The following TP63 variants were observed in gnomAD, a reference collection of about 807,000 sequenced individuals.
TP63 encodes the protein tumor protein p63.
In TP63, 17 loss-of-function variants were observed where a neutral mutation model predicts 82.8. The observed-to-expected ratio is 0.21, with a 90% CI of 0.14 to 0.31. The LOEUF (loss-of-function observed/expected upper bound fraction) is 0.31, where lower values mean the gene tolerates loss of function less well. Ranked by LOEUF, TP63 falls within the 10% of genes least tolerant of loss-of-function variation. The probability of loss-of-function intolerance (pLI) is 1.00; values close to 1 mark genes in which losing one functional copy is unlikely to be tolerated. For missense variants in TP63, 648 were observed against 895.3 expected (o/e 0.72, Z 3.52); for synonymous variants, 330 against 321.7 (o/e 1.03, Z -0.28).
At chr3:189,657,969 G>C (rs1336624644) in intron 1 of TP63, among the ~76,000 whole-genome samples, 1 of 152,062 alleles carries the variant, frequency 6.6e-6, no homozygotes, top group Non-Finnish European at 1.5e-5. Context: ...TCTAATACTA[G>C]CTTCTTATAT....
intron 1 of TP63, among the ~76,000 whole-genome samples, chr3:189,734,081 C>G (rs1720373233): frequency 6.7e-6 from 1 of 148,936 alleles, no homozygotes; most frequent in Non-Finnish European, 1.5e-5. Context: ...TTCTTTCTTT[C>G]TCTCTTTCTT....
Position 189,711,902 on chromosome 3 carries a change from A to G in TP63, c.63-25838A>G, listed in dbSNP as rs138137409. On this transcript the variant is annotated intron_variant, in intron 1 of 13. Transcript: ENST00000264731. The stretch of plus-strand genomic sequence containing the variant: ...GGCTGATGGAACTTCCGTGATAGGA[A>G]GCTGTCATGTTGGTTTGGTGGATGG... Among the ~76,000 whole-genome samples the G allele has an allele frequency of 4.0e-4, 61 of 152,276 alleles. No individual in the cohort carries two copies. In the East Asian group the frequency reaches 0.011, roughly 27 times the overall value.
At chr3:189,772,406 T>A (rs1380323262) in intron 3 of TP63, among the ~76,000 whole-genome samples, 1 of 152,244 alleles carries the variant, frequency 6.6e-6, no homozygotes, top group Non-Finnish European at 1.5e-5. Flanking sequence ...TATACTATGA[T>A]GCTTCCTTTA....
At chr3:189,881,889 T>G (rs1719949557) in intron 10 of TP63, among the ~76,000 whole-genome samples, 1 of 152,130 alleles carries the variant, frequency 6.6e-6, no homozygotes, top group East Asian at 1.9e-4. Flanking sequence ...ATAACATGGC[T>G]TCTGTGGCAT....
At chr3:189,880,495 G>A (rs1157003800) in intron 10 of TP63, 4 of 1,017,672 alleles carry the variant, frequency 3.9e-6, no homozygotes, top group East Asian at 8.6e-5. Context: ...GGGGAAAGGG[G>A]CATTAAGATG....
intron 1 of TP63, among the ~76,000 whole-genome samples, chr3:189,698,127 A>G (rs566065043): frequency 6.6e-6 from 1 of 152,234 alleles, no homozygotes; most frequent in South Asian, 2.1e-4. Context: ...CATTTTAAGA[A>G]GCATCCAGTT....
At chr3:189,708,366 T>C (rs1435974718) in intron 1 of TP63, among the ~76,000 whole-genome samples, 2 of 152,204 alleles carry the variant, frequency 1.3e-5, no homozygotes, top group East Asian at 3.9e-4. Flanking sequence ...TTTTCTCGTT[T>C]GTTTGTTAGC....
rs904813004 is a variant in TP63, at chr3:189,676,425, G to T, written c.62+44848G>T. On this transcript the variant is annotated intron_variant, in intron 1 of 13. Coordinates refer to ENST00000264731, the MANE Select transcript of TP63 (RefSeq NM_003722.5). ...GATCATGCAGTATTTGTCTGTCTGT[G>T]CCTGGTTTACTTCACTTAGCTTTAT... 5.7e-4 allele frequency among the ~76,000 whole-genome samples: 86 copies of T among 152,142 alleles called. 2 individuals are homozygous for T. Among genetic ancestry groups the T allele is most frequent in the Admixed American group, 5.6e-3 (85 of 15,246 alleles).
intron 1 of TP63, among the ~76,000 whole-genome samples, chr3:189,667,268 G>A (rs936979601): frequency 6.7e-6 from 1 of 148,296 alleles, no homozygotes. Flanking sequence ...TCTGCCTCCT[G>A]GATTCAAGAG....
At chr3:189,885,044 C>CAT (rs1720295868) in intron 10 of TP63, among the ~76,000 whole-genome samples, 1 of 152,136 alleles carries the variant, frequency 6.6e-6, no homozygotes, top group Admixed American at 6.5e-5. Context: ...TTGAATTATA[C>CAT]ATATATATGC....
intron 6 of TP63, among the ~76,000 whole-genome samples, 167 bp from the exon 7 acceptor site, chr3:189,867,666 G>T (rs531299759): frequency 2.0e-5 from 3 of 152,276 alleles, no homozygotes; most frequent in African/African-American, 7.2e-5. Context: ...AAGCTTCCCC[G>T]CAGGCAAGAT....
At chr3:189,691,976 G>A (rs933732955) in intron 1 of TP63, among the ~76,000 whole-genome samples, 1 of 152,162 alleles carries the variant, frequency 6.6e-6, no homozygotes, top group Admixed American at 6.5e-5. Context: ...CTGAAATACA[G>A]ATTTCTTCAT....
intron 3 of TP63, among the ~76,000 whole-genome samples, chr3:189,780,751 G>A (rs1221141462): frequency 2.6e-5 from 4 of 152,130 alleles, no homozygotes; most frequent in African/African-American, 9.7e-5. Context: ...TGGGAGAGCT[G>A]CCAGTCCATG....
At chr3:189,761,880 C>CAA (rs1553831682) in intron 3 of TP63, among the ~76,000 whole-genome samples, 16 of 152,190 alleles carry the variant, frequency 1.1e-4, no homozygotes, top group South Asian at 2.1e-4. Context: ...TGGCAGCAGG[C>CAA]AGAGAGAGCT....
At chr3:189,722,167 G>A (rs916538343) in intron 1 of TP63, among the ~76,000 whole-genome samples, 1 of 152,154 alleles carries the variant, frequency 6.6e-6, no homozygotes, top group Non-Finnish European at 1.5e-5. Context: ...AGCTCTCTGG[G>A]GGCCAGATTA....
chr3:189,881,348 C>T (rs1395460508), intron 10 of TP63: 3 of 985,214 alleles, frequency 3.0e-6, no homozygotes, highest in African/African-American at 1.7e-5. Context: ...AGCATAAAGA[C>T]TTTAAAAATG....
At position 189,837,831 on chromosome 3, in the gene TP63, C is replaced by T. The variant is rs114835173; in HGVS notation, c.580-26401C>T. On this transcript the variant is annotated intron_variant, in intron 4 of 13. Transcript: ENST00000264731. ...TAGGGACAGGGGTTTTGCCATGTTT[C>T]CCAGGCTGGTCTGGAACTCCTGGGC... 5.8e-3 allele frequency among the ~76,000 whole-genome samples: 883 copies of T among 152,008 alleles called. 12 individuals are homozygous for T. Among genetic ancestry groups the T allele is most frequent in the African/African-American group, 0.021 (857 of 41,460 alleles).
rs113519671 is a variant in TP63, at chr3:189,851,389, C to G, written c.580-12843C>G. On this transcript the variant is annotated intron_variant, in intron 4 of 13. Transcript: ENST00000264731. ...AGCCTGGGCAACATGGGGGAAACCC[C>G]GTCTCTGCTGAAGAAAAAGAAAAAT... 1.7e-4 allele frequency among the ~76,000 whole-genome samples: 26 copies of G among 152,072 alleles called. No homozygotes were observed. The East Asian group carries it at 3.5e-3, about 20-fold the overall frequency.
chr3:189,814,546 T>G (rs1222663023), intron 4 of TP63, among the ~76,000 whole-genome samples: 1 of 152,218 alleles, frequency 6.6e-6, no homozygotes, highest in Non-Finnish European at 1.5e-5. Context: ...TTTGTGCCAC[T>G]CCCATGATGA....
Sources: gnomAD v4.1 joint callset for allele counts (sites outside exome capture counted in the v4.1 genomes callset) on GRCh38, gnomAD v4.1.1 for gene constraint, MANE v1.5 for transcripts, NCBI Gene and HGNC (gene_info 2026-07-23, HGNC 2026-07-21) for gene names.